TULP4: variants seen among roughly 807,000 people sequenced by gnomAD.
TULP4 encodes the protein tubby-related protein 4.
A neutral mutation model predicts 129.0 loss-of-function variants in TULP4; 16 were observed. That is an observed-to-expected ratio of 0.12 (90% CI 0.08 to 0.19). The LOEUF (loss-of-function observed/expected upper bound fraction) is 0.19. TULP4 is among the 10% of genes least tolerant of loss of function. The probability of loss-of-function intolerance (pLI) is 1.00; values close to 1 mark genes in which losing one functional copy is unlikely to be tolerated. For missense variants in TULP4, 1,842 were observed against 2,059.1 expected (o/e 0.89, Z 2.04); for synonymous variants, 998 against 854.0 (o/e 1.17, Z -2.94).
At chr6:158,395,759 G>A (rs191177736) in intron 1 of TULP4, among the ~76,000 whole-genome samples, 51 of 151,942 alleles carry the variant, frequency 3.4e-4, no homozygotes, top group South Asian at 1.5e-3. Flanking sequence ...TGGAAACAAC[G>A]AGTGTCTACC....
chr6:158,468,509 T>C (rs1220918904), intron 6 of TULP4, among the ~76,000 whole-genome samples: 3 of 152,228 alleles, frequency 2.0e-5, no homozygotes, highest in Admixed American at 6.5e-5. Flanking sequence ...ATATTATCTC[T>C]TGGTTTCTTT....
In TULP4 at chr6:158,382,471, C is replaced by T. The variant is rs977453526; in HGVS notation, c.253-30594C>T. On this transcript the variant is annotated intron_variant, in intron 1 of 13. Coordinates refer to ENST00000367097, the MANE Select transcript of TULP4 (RefSeq NM_020245.5). ...TGGATAATGAGCTGTGTCCTCTTTG[C>T]TTTTTTGCCATTTGCCATGCTCCTC... 5.3e-5 allele frequency among the ~76,000 whole-genome samples: 8 copies of T among 152,242 alleles called. No homozygotes were observed. In the East Asian group the frequency reaches 1.5e-3, roughly 29 times the overall value.
chr6:158,372,141 T>A (rs928886328), intron 1 of TULP4, among the ~76,000 whole-genome samples: 3 of 71,046 alleles, frequency 4.2e-5, no homozygotes, highest in African/African-American at 1.7e-4. Context: ...TTTTTTTTTT[T>A]TAATACAATT....
At position 158,494,856 on chromosome 6, in the gene TULP4, A is replaced by G; in HGVS notation, c.1870+10A>G. 2 of 1,612,324 alleles carry G rather than the reference A, an allele frequency of 1.2e-6. No individual in the cohort carries two copies. The highest frequency in any genetic ancestry group is 1.7e-4 in the Middle Eastern group (1 of 6,058). On this transcript the variant is annotated intron_variant, in intron 11 of 13. Coordinates refer to ENST00000367097, the MANE Select transcript of TULP4 (RefSeq NM_020245.5). Reference sequence around the variant, plus strand: ...ACCAACCTCGGTGCAGGTAAAAATCATGTCCTCTTCTCTCATTGTCCCAGT... The same window carrying G: ...ACCAACCTCGGTGCAGGTAAAAATCGTGTCCTCTTCTCTCATTGTCCCAGT...
At chr6:158,279,262 G>A (rs1413195075), upstream of TULP4, among the ~76,000 whole-genome samples, 13 of 152,114 alleles carry the variant, frequency 8.5e-5, no homozygotes, top group Admixed American at 8.5e-4. Flanking sequence ...TTTTGAAAAT[G>A]TAGAACAATA....
rs1450379249 is a variant in TULP4 at position 158,506,863 on chromosome 6, A to G, written c.*169A>G. The stretch of plus-strand genomic sequence containing the variant: ...GGGCGCTGACCTGTGGTCGTCATTT[A>G]TTTGGTTGGGTTTTATTACCTTTTA... On this transcript the variant is annotated 3_prime_UTR_variant, in exon 14 of 14. Coordinates refer to ENST00000367097, the MANE Select transcript of TULP4 (RefSeq NM_020245.5). 1.0e-5 allele frequency: 6 copies of G among 593,448 alleles called. No individual in the cohort carries two copies. The highest frequency in any genetic ancestry group is 4.0e-5 in the South Asian group (2 of 49,608). 36.8% of individuals were successfully genotyped at this position (593,448 alleles called of 1,614,324 possible). A position where few individuals can be genotyped will look rare whatever the true frequency, so the allele number is the denominator to read the frequency against.
chr6:158,254,691 A>G (rs1025481846), intron 1 of TULP4, among the ~76,000 whole-genome samples: 2 of 152,220 alleles, frequency 1.3e-5, no homozygotes, highest in Admixed American at 6.5e-5. Flanking sequence ...TTTGTATTTT[A>G]TGAGAAAACT....
chr6:158,300,559 C>G (rs936151976), intron 1 of TULP4, among the ~76,000 whole-genome samples: 2 of 152,152 alleles, frequency 1.3e-5, no homozygotes, highest in Admixed American at 1.3e-4. Flanking sequence ...ATAAATAAAT[C>G]AAAAGCCTTA....
rs1378672661 is a variant in TULP4 at position 158,313,666 on chromosome 6, AAAG to A, written c.-345_-343del. The stretch of plus-strand genomic sequence containing the variant: ...GAATGAGAATAACCAAGTGGAGTAA[AAAG>A]AAGAAAACCGTTTCTTGATCACCAC... On this transcript the variant is annotated 5_prime_UTR_variant, in exon 1 of 14. Coordinates refer to ENST00000367097, the MANE Select transcript of TULP4 (RefSeq NM_020245.5). The A allele has an allele frequency of 1.6e-5, 7 of 444,028 alleles. No individual in the cohort carries two copies. Among genetic ancestry groups the A allele is most frequent in the East Asian group, 3.3e-5 (1 of 29,920 alleles). 27.5% of individuals were successfully genotyped at this position (444,028 alleles called of 1,614,324 possible).
intron 8 of TULP4, among the ~76,000 whole-genome samples, chr6:158,481,831 A>G (rs1779953164): frequency 6.6e-6 from 1 of 152,032 alleles, no homozygotes; most frequent in Admixed American, 6.5e-5. Flanking sequence ...CCCTGCAGTG[A>G]TTTTCATTGC....
intron 1 of TULP4, among the ~76,000 whole-genome samples, chr6:158,267,937 T>C (rs1778477511): frequency 6.6e-6 from 1 of 151,972 alleles, no homozygotes; most frequent in African/African-American, 2.4e-5. Context: ...GGTTTATCAG[T>C]GGTACCTCAC....
At chr6:158,363,245 G>A (rs1413402202) in intron 1 of TULP4, among the ~76,000 whole-genome samples, 1 of 152,058 alleles carries the variant, frequency 6.6e-6, no homozygotes, top group African/African-American at 2.4e-5. Flanking sequence ...TTAAAAATAG[G>A]CAGATAATTG....
chr6:158,258,842 A>G (rs992752504), intron 1 of TULP4, among the ~76,000 whole-genome samples: 2 of 152,220 alleles, frequency 1.3e-5, no homozygotes, highest in Admixed American at 1.3e-4. Flanking sequence ...TCACGTCAGC[A>G]TTATTTGAGC....
intron 1 of TULP4, among the ~76,000 whole-genome samples, chr6:158,350,327 C>T (rs139385854): frequency 0.69 from 103,566 of 150,846 alleles, 35,806 homozygotes; most frequent in East Asian, 0.89. Flanking sequence ...GATGGGGTGG[C>T]GGGCGGGCAG....
intron 1 of TULP4, among the ~76,000 whole-genome samples, chr6:158,234,567 A>G (rs942354353): frequency 2.0e-5 from 3 of 151,772 alleles, no homozygotes; most frequent in Admixed American, 6.6e-5. Context: ...TCTCCTGGAG[A>G]GAGTGAAGAT....
intron 3 of TULP4, among the ~76,000 whole-genome samples, chr6:158,435,881 G>A (rs963015705): frequency 4.0e-5 from 6 of 150,540 alleles, no homozygotes; most frequent in Non-Finnish European, 7.4e-5. Context: ...ATTGCTCATC[G>A]TTTGTGCCCT....
rs531919191 is a variant in TULP4 at position 158,258,994 on chromosome 6, C to T, written n.68+26691C>T. On this transcript the variant is annotated intron_variant and non_coding_transcript_variant, in intron 1 of 1. Coordinates refer to the TULP4 transcript ENST00000620026. ...CCTGTAATCCCAGCACTTTGGGAGG[C>T]TGAGGCGGGTGGATCACCTGAGGTC... Among the ~76,000 whole-genome samples, 4 of 152,278 alleles carry T rather than the reference C, an allele frequency of 2.6e-5. No individual in the cohort carries two copies. In the East Asian group the frequency reaches 7.7e-4, roughly 29 times the overall value.
chr6:158,276,676 T>C (rs1778651693), intron 1 of TULP4, among the ~76,000 whole-genome samples: 2 of 152,150 alleles, frequency 1.3e-5, no homozygotes, highest in African/African-American at 4.8e-5. Flanking sequence ...TAGGGTCCCT[T>C]TGCCCAGCAC....
chr6:158,485,908 C>G (rs1352220287), intron 8 of TULP4, among the ~76,000 whole-genome samples: 1 of 152,208 alleles, frequency 6.6e-6, no homozygotes, highest in Non-Finnish European at 1.5e-5. Context: ...CACATAACTT[C>G]TCTAGTTTCA....
Sources: allele counts gnomAD v4.1 joint callset (sites outside exome capture counted in the v4.1 genomes callset), GRCh38; gene constraint gnomAD v4.1.1; transcripts MANE v1.5; gene names NCBI Gene and HGNC (gene_info 2026-07-23, HGNC 2026-07-21).